BAIAP2: variants seen among roughly 807,000 people sequenced by gnomAD.
BAIAP2 encodes BAR/IMD domain containing adaptor protein 2, also known as BAR/IMD domain-containing adapter protein 2.
A neutral mutation model predicts 63.0 loss-of-function variants in BAIAP2; 18 were observed. That is an observed-to-expected ratio of 0.29 (90% CI 0.20 to 0.42). BAIAP2 has a LOEUF of 0.42. Ranked by LOEUF, BAIAP2 falls within the 10% of genes least tolerant of loss-of-function variation. The probability of loss-of-function intolerance (pLI) is 1.00; values close to 1 mark genes in which losing one functional copy is unlikely to be tolerated. For synonymous variants in BAIAP2, 386 were observed against 307.6 expected (o/e 1.25, Z -2.67); for missense variants, 610 against 734.3 (o/e 0.83, Z 1.96).
At chr17:81,093,233 CT>C (rs1225159139) in intron 6 of BAIAP2, among the ~76,000 whole-genome samples, 2 of 152,098 alleles carry the variant, frequency 1.3e-5, no homozygotes, top group African/African-American at 4.8e-5. Flanking sequence ...CGGGCCCCTG[CT>C]CAGAATCGCA....
chr17:81,055,574 G>GTTTTTTTTTTGTTTT (rs1555657874), intron 2 of BAIAP2, among the ~76,000 whole-genome samples: 2 of 123,398 alleles, frequency 1.6e-5, no homozygotes, highest in African/African-American at 5.7e-5. Flanking sequence ...AGGGTGTTTT[G>GTTTTTTTTTTGTTTT]TTTTTTTTTG....
intron 6 of BAIAP2, among the ~76,000 whole-genome samples, chr17:81,095,643 G>A (rs893907896): frequency 5.3e-5 from 8 of 151,976 alleles, no homozygotes; most frequent in African/African-American, 9.7e-5. Context: ...AGCTCCCCCC[G>A]TCCTTCGGGG....
chr17:81,107,686 C>G (rs996654009), intron 12 of BAIAP2: 6 of 152,402 alleles, frequency 3.9e-5, no homozygotes, highest in African/African-American at 1.4e-4. Context: ...GGCTGGGCCT[C>G]AGGCAGTGAG....
chr17:81,107,645 T>G (rs1444605306), intron 12 of BAIAP2: 1 of 152,398 alleles, frequency 6.6e-6, no homozygotes, highest in Non-Finnish European at 1.5e-5. Context: ...TTGGCTGGGC[T>G]AGCAGCTTTG....
chr17:81,079,764 C>T (rs2054283336), intron 3 of BAIAP2, among the ~76,000 whole-genome samples: 1 of 152,206 alleles, frequency 6.6e-6, no homozygotes. Context: ...TGGCACTCAG[C>T]TTACATTTGA....
intron 3 of BAIAP2, among the ~76,000 whole-genome samples, chr17:81,063,323 C>T (rs1230828031): frequency 6.6e-6 from 1 of 152,208 alleles, no homozygotes; most frequent in African/African-American, 2.4e-5. Flanking sequence ...CTCACTGTGT[C>T]TTAGGGTCCA....
At position 81,057,985 on chromosome 17, in the gene BAIAP2, C is replaced by CT; in HGVS notation, c.217+18_217+19insT. The CT allele has an allele frequency of 8.2e-7, 1 of 1,216,958 alleles. No individual in the cohort carries two copies. Among genetic ancestry groups the CT allele is most frequent in the African/African-American group, 1.9e-5 (1 of 52,090 alleles). 75.4% of individuals were successfully genotyped at this position (1,216,958 alleles called of 1,614,324 possible). A position where few individuals can be genotyped will look rare whatever the true frequency, so the allele number is the denominator to read the frequency against. On this transcript the variant is annotated intron_variant, in intron 3 of 13. Transcript: ENST00000428708. ...AGAACTCGGTGAGACCCCCCCCCCC[C>CT]CCCCGCCTGGTAGTCGCCTGATGCC...
chr17:81,080,474 G>A (rs907224511), intron 3 of BAIAP2, among the ~76,000 whole-genome samples: 1 of 152,250 alleles, frequency 6.6e-6, no homozygotes, highest in East Asian at 1.9e-4. Context: ...TCGGGCTGGC[G>A]GGGATGCTGG....
intron 6 of BAIAP2, among the ~76,000 whole-genome samples, chr17:81,094,203 C>T (rs980552966): frequency 6.6e-6 from 1 of 152,192 alleles, no homozygotes; most frequent in African/African-American, 2.4e-5. Context: ...CAACCCTTTG[C>T]TGGCTCTTGG....
At chr17:81,053,226 T>TGTTGAGCAGGATTTTAGGTAATTGA (rs1250619935) in intron 1 of BAIAP2, 1 of 62,014 alleles carries the variant, frequency 1.6e-5, no homozygotes, top group Non-Finnish European at 3.6e-5. Context: ...TGGTAATTGA[T>TGTTGAGCAGGATTTTAGGTAATTGA]GTGTTGAGCA....
intron 3 of BAIAP2, among the ~76,000 whole-genome samples, chr17:81,068,957 G>A (rs2052033945): frequency 6.6e-6 from 1 of 152,144 alleles, no homozygotes; most frequent in Non-Finnish European, 1.5e-5. Context: ...CCACTCCCCA[G>A]TCACACATTT....
chr17:81,069,496 C>T (rs540906279), intron 3 of BAIAP2, among the ~76,000 whole-genome samples: 1 of 152,184 alleles, frequency 6.6e-6, no homozygotes, highest in African/African-American at 2.4e-5. Flanking sequence ...TTCTCGGCGG[C>T]CCCCGCTCAT....
intron 13 of BAIAP2, chr17:81,109,921 C>T (rs2059698260): frequency 1.0e-6 from 1 of 985,456 alleles, no homozygotes; most frequent in Non-Finnish European, 1.2e-6. Context: ...GAGGGCAGCT[C>T]TGGGCACGCC....
chr17:81,110,664 C>T (rs568183796), intron 13 of BAIAP2: 11 of 917,416 alleles, frequency 1.2e-5, no homozygotes, highest in South Asian at 5.1e-5. Context: ...CAGTGACAGT[C>T]GCTCACTCTG....
intron 13 of BAIAP2, chr17:81,110,259 C>T (rs1043279450): frequency 2.9e-5 from 29 of 985,582 alleles, no homozygotes; most frequent in Non-Finnish European, 3.4e-5. Flanking sequence ...GACCGCGTGA[C>T]ATTAAGGAGA....
intron 2 of BAIAP2, chr17:81,057,572 C>T: frequency 9.7e-7 from 1 of 1,029,230 alleles, no homozygotes; most frequent in Non-Finnish European, 1.2e-6. Flanking sequence ...ACACTCCCTC[C>T]CCCCGGCCCT....
intron 6 of BAIAP2, among the ~76,000 whole-genome samples, chr17:81,093,278 G>A (rs796464015): frequency 9.8e-5 from 15 of 152,322 alleles, no homozygotes; most frequent in African/African-American, 2.4e-4. Flanking sequence ...GCCCTGGGAC[G>A]ACCCTGCTCA....
chr17:81,067,783 C>T (rs2051775427), intron 3 of BAIAP2, among the ~76,000 whole-genome samples: 1 of 152,250 alleles, frequency 6.6e-6, no homozygotes, highest in Non-Finnish European at 1.5e-5. Context: ...CAGGCCTCAG[C>T]CGGCCAGAGC....
chr17:81,086,508 T>G lies in BAIAP2; in HGVS notation c.417T>G (p.Ala139=), dbSNP rs771110857. Residue 139 remains alanine, a synonymous_variant, in exon 6 of 14, where the codon GCT becomes GCG. Coordinates refer to ENST00000428708, the MANE Select transcript of BAIAP2 (RefSeq NM_001144888.2). ...SKGDALDKCQ[A]ELKKLRKKSQ... ...GCGACGCCCTGGACAAGTGTCAGGC[T>G]GAGCTGAAGAAGCTTCGGAAGAAGA... 5 of 1,614,034 alleles carry G rather than the reference T, an allele frequency of 3.1e-6. No homozygotes were observed. The highest frequency in any genetic ancestry group is 4.2e-6 in the Non-Finnish European group (5 of 1,180,020).
Sources: gnomAD v4.1 joint callset for allele counts (sites outside exome capture counted in the v4.1 genomes callset) on GRCh38, gnomAD v4.1.1 for gene constraint, MANE v1.5 for transcripts, NCBI Gene and HGNC (gene_info 2026-07-23, HGNC 2026-07-21) for gene names.